LZTR1: variants seen among roughly 807,000 people sequenced by gnomAD.
LZTR1 encodes leucine zipper like post translational regulator 1, also known as leucine-zipper-like transcriptional regulator 1.
A neutral mutation model predicts 105.7 loss-of-function variants in LZTR1; 260 were observed. The observed-to-expected ratio is 2.46, with a 90% confidence interval of 2.22 to 2.72. The LOEUF is 2.72. Ranked by LOEUF, LZTR1 falls within the 30% of genes most tolerant of loss-of-function variation. The pLI, the probability that LZTR1 is intolerant of heterozygous loss-of-function variation, is 0.00. For missense variants in LZTR1, 1,214 were observed against 1,166.9 expected (o/e 1.04, Z -0.59); for synonymous variants, 490 against 476.4 (o/e 1.03, Z -0.37).
intron 9 of LZTR1, 44 bp downstream of exon 9, chr22:20,991,873 G>A (rs1924621185): frequency 8.7e-6 from 13 of 1,499,964 alleles, no homozygotes; most frequent in Non-Finnish European, 9.0e-7. Flanking sequence ...CTGGACACCA[G>A]TAGCTCCTAC....
At chr22:20,993,785 C>G (rs1347263507) in intron 12 of LZTR1, 31 bp downstream of exon 12, 20 of 1,597,336 alleles carry the variant, frequency 1.3e-5, no homozygotes, top group Non-Finnish European at 1.6e-5. Flanking sequence ...CCTGCTCTGC[C>G]TGCTGTGCCT....
Position 20,995,961 on chromosome 22 carries a change from A to C in LZTR1, c.2070-2A>C. ...CAGGTGCCTACCGCTCGTTGTCTGC[A>C]GCTACTTTGAAGCCATGTTCCGGTC... On this transcript the variant is annotated splice_acceptor_variant, in intron 17 of 20. Coordinates refer to ENST00000646124, the MANE Select transcript of LZTR1 (RefSeq NM_006767.4). LOFTEE classifies it high-confidence loss of function. The C allele has an allele frequency of 6.2e-7, 1 of 1,613,680 alleles. No individual in the cohort carries two copies. Among genetic ancestry groups the C allele is most frequent in the Non-Finnish European group, 8.5e-7 (1 of 1,180,018 alleles).
intron 11 of LZTR1, chr22:20,993,289 C>T (rs1252432427): frequency 2.3e-6 from 1 of 434,490 alleles, no homozygotes; most frequent in Non-Finnish European, 4.2e-6. Flanking sequence ...CTCACAGCCA[C>T]AGTGAGGTCA....
intron 2 of LZTR1, among the ~76,000 whole-genome samples, chr22:20,984,792 G>A (rs1231450599): frequency 6.6e-6 from 1 of 152,222 alleles, no homozygotes; most frequent in Non-Finnish European, 1.5e-5. Context: ...AGCACAGGCT[G>A]GGCATGACGG....
At chr22:20,993,522 T>G in intron 11 of LZTR1, 140 bp from the exon 12 acceptor site, 1 of 654,510 alleles carries the variant, frequency 1.5e-6, no homozygotes, top group Admixed American at 2.5e-5. Context: ...GGCTGCTTCC[T>G]CTCCTCAGCC....
chr22:20,993,107 C>T (rs1924666157), intron 11 of LZTR1, among the ~76,000 whole-genome samples: 1 of 152,240 alleles, frequency 6.6e-6, no homozygotes, highest in South Asian at 2.1e-4. Context: ...GTGGGGCAGG[C>T]AGATGGTGCT....
chr22:20,994,888 G>A lies in LZTR1; in HGVS notation c.1804G>A (p.Val602Met). The part of the protein sequence containing the change: ...SQLKEHCLNF[V>M]VKESHFNQVI... ...GCCCCAGGAGCACTGCCTGAACTTC[G>A]TGGTAAAGGAGTCCCACTTCAACCA... is the stretch of plus-strand genomic sequence containing the variant. The change falls in exon 16 of 21, where the codon GTG becomes ATG. Residue 602 changes from valine to methionine, a missense_variant. Physicochemically the swap from Val to Met is conservative, Grantham distance 21 (BLOSUM62 1). Transcript: ENST00000646124. 6.8e-6 allele frequency: 11 copies of A among 1,613,384 alleles called. No homozygotes were observed. The highest frequency in any genetic ancestry group is 9.3e-6 in the Non-Finnish European group (11 of 1,179,998).
At chr22:20,984,078 C>T (rs1924290877) in intron 2 of LZTR1, among the ~76,000 whole-genome samples, 1 of 152,208 alleles carries the variant, frequency 6.6e-6, no homozygotes, top group African/African-American at 2.4e-5. Context: ...CCATTCTCTC[C>T]TCTCACCTTC....
At chr22:20,996,503 T>C (rs1924851615) in intron 18 of LZTR1, 193 bp from the exon 19 acceptor site, 3 of 608,534 alleles carry the variant, frequency 4.9e-6, no homozygotes, top group African/African-American at 1.9e-5. Flanking sequence ...ACAGACACTA[T>C]TTTTCTCGGG....
intron 6 of LZTR1, among the ~76,000 whole-genome samples, 198 bp from the exon 7 acceptor site, chr22:20,989,427 G>C (rs2147963130): frequency 6.6e-6 from 1 of 152,322 alleles, no homozygotes; most frequent in South Asian, 2.1e-4. Context: ...TTCTGTCTGG[G>C]CCGGGCAGGG....
chr22:20,996,600 G>T, intron 18 of LZTR1, 96 bp from the exon 19 acceptor site: 1 of 933,632 alleles, frequency 1.1e-6, no homozygotes, highest in Non-Finnish European at 1.7e-6. Context: ...ATGCTGGCGT[G>T]GGGGCTTGGG....
Position 20,996,716 on chromosome 22 carries a change from A to G in LZTR1, c.2240A>G (p.Tyr747Cys), listed in dbSNP as rs1474790426. The G allele has an allele frequency of 1.2e-6, 2 of 1,613,488 alleles. No homozygotes were observed. The highest frequency in any genetic ancestry group is 1.7e-6 in the Non-Finnish European group (2 of 1,179,932). ...EDSLYLFAAP[Y>C]YYGFYNNRLQ... ...CCCAGCTACTTGTTTGCGGCCCCCT[A>G]CTACTACGGCTTCTACAACAACCGG... Residue 747 changes from tyrosine (Y) to cysteine (C), a missense_variant, in exon 19 of 21, where the codon TAC becomes TGC. Transcript: ENST00000646124.
At position 20,994,114 on chromosome 22, in the gene LZTR1, AGGAGGCCGCCCCAGTTCCCAG is replaced by A. The variant is rs1924714614; in HGVS notation, c.1468_1488del (p.Ala490_Ala496del). On this transcript the variant is annotated inframe_deletion, in exon 14 of 21. Coordinates refer to ENST00000646124, the MANE Select transcript of LZTR1 (RefSeq NM_006767.4). ...CCCTTCTCCCCACAGAAGCTGGAGCAGGAGGCCGCCCCAGTTCCCAGGGAGGCCCCCGGCGTGGCTGCTGGT... is the reference window on the plus strand; with the variant it reads ...CCCTTCTCCCCACAGAAGCTGGAGCAGGAGGCCCCCGGCGTGGCTGCTGGT... The A allele has an allele frequency of 6.3e-7, 1 of 1,580,476 alleles. No homozygotes were observed.
At chr22:20,985,953 G>A in intron 3 of LZTR1, 56 bp downstream of exon 3, 2 of 1,553,370 alleles carry the variant, frequency 1.3e-6, no homozygotes, top group Non-Finnish European at 1.8e-6. Context: ...CAGTGGCACA[G>A]TGCTGGGTCC....
Position 20,993,979 on chromosome 22 carries a change from T to C in LZTR1, c.1409T>C (p.Leu470Pro). ...VAIVTARSRW[L>P]RRKITQARER... ...ATTGTCACAGCGCGGAGCCGCTGGCTTCGCAGGAAGATCACGCAGGCGCGG... is the reference window on the plus strand; with the variant it reads ...ATTGTCACAGCGCGGAGCCGCTGGCCTCGCAGGAAGATCACGCAGGCGCGG... Residue 470 changes from leucine to proline, a missense_variant, in exon 13 of 21, where the codon CTT (leucine) becomes CCT (proline). Transcript: ENST00000646124. 1.2e-6 allele frequency: 2 copies of C among 1,612,442 alleles called. No individual in the cohort carries two copies. Among genetic ancestry groups the C allele is most frequent in the Non-Finnish European group, 1.7e-6 (2 of 1,179,818 alleles).
chr22:20,995,218 A>T, intron 16 of LZTR1, 192 bp downstream of exon 16: 1 of 714,840 alleles, frequency 1.4e-6, no homozygotes, highest in Non-Finnish European at 2.5e-6. Flanking sequence ...GGGGCTTGCC[A>T]CAGTGGGCTG....
At chr22:20,997,043 C>T (rs746802486) in intron 20 of LZTR1, 77 bp downstream of exon 20, 1 of 1,472,788 alleles carries the variant, frequency 6.8e-7, no homozygotes, top group Non-Finnish European at 9.5e-7. Context: ...GGTGCCCAGG[C>T]TCTGTGGTCC....
intron 2 of LZTR1, among the ~76,000 whole-genome samples, chr22:20,984,935 T>C (rs1191885480): frequency 6.6e-6 from 1 of 152,096 alleles, no homozygotes; most frequent in East Asian, 1.9e-4. Context: ...AACAAAGAAA[T>C]GGCAGGGGCC....
chr22:20,985,967 T>C, intron 3 of LZTR1, 70 bp downstream of exon 3: 1 of 1,484,752 alleles, frequency 6.7e-7, no homozygotes, highest in Non-Finnish European at 9.4e-7. Flanking sequence ...TGGGTCCCAG[T>C]TGCTAGCAGA....
Sources: allele counts gnomAD v4.1 joint callset (sites outside exome capture counted in the v4.1 genomes callset), GRCh38; gene constraint gnomAD v4.1.1; transcripts MANE v1.5; gene names NCBI Gene and HGNC (gene_info 2026-07-23, HGNC 2026-07-21).